Variants in RNF130 observed in about 807,000 individuals in gnomAD.
RNF130 encodes the protein E3 ubiquitin-protein ligase RNF130.
Under a neutral mutation model 44.6 loss-of-function variants are expected in RNF130, and 21 were observed. The observed-to-expected ratio is 0.47, with a 90% confidence interval of 0.33 to 0.68. RNF130 has a LOEUF of 0.68. RNF130 is among the 30% of genes least tolerant of loss of function. The probability of loss-of-function intolerance (pLI) is 0.02; values close to 1 mark genes in which losing one functional copy is unlikely to be tolerated. For synonymous variants in RNF130, 214 were observed against 210.4 expected (o/e 1.02, Z -0.15); for missense variants, 479 against 560.6 (o/e 0.85, Z 1.47).
chr5:179,915,083 C>CT (rs71001057), exon 8 of RNF130: 69,638 of 151,408 alleles, frequency 0.46, 16,683 homozygotes, highest in East Asian at 0.76. Context: ...AATTCCAGCA[C>CT]TTGGGAGGAC....
In RNF130 at chr5:180,010,915, G is replaced by A. The variant is rs114333209; in HGVS notation, c.693+2146C>T. 8.1e-3 allele frequency among the ~76,000 whole-genome samples: 1,235 copies of A among 152,154 alleles called. 18 individuals are homozygous for A. Among genetic ancestry groups the A allele is most frequent in the African/African-American group, 0.029 (1,192 of 41,492 alleles). On this transcript the variant is annotated intron_variant, in intron 3 of 8. Transcript: ENST00000521389. Reference sequence around the variant, plus strand: ...TAAGTACACATTAAACTGGAGAGGTGGGGAGATTTCAGTGTATTTAGGAAG... The same window carrying A: ...TAAGTACACATTAAACTGGAGAGGTAGGGAGATTTCAGTGTATTTAGGAAG...
chr5:180,059,630 A>G (rs1376051585), intron 1 of RNF130, among the ~76,000 whole-genome samples: 1 of 152,254 alleles, frequency 6.6e-6, no homozygotes, highest in African/African-American at 2.4e-5. Context: ...CATAGAAAAG[A>G]AATGTTGGAA....
chr5:179,941,359 T>G (rs1198073363), intron 7 of RNF130, among the ~76,000 whole-genome samples: 1 of 152,232 alleles, frequency 6.6e-6, no homozygotes, highest in East Asian at 1.9e-4. Context: ...TTAATCTAAT[T>G]AGAGATTGAA....
intron 7 of RNF130, among the ~76,000 whole-genome samples, chr5:179,926,808 G>A (rs1172713252): frequency 6.6e-6 from 1 of 152,234 alleles, no homozygotes; most frequent in East Asian, 1.9e-4. Flanking sequence ...ATTGGACGTG[G>A]AGACAGTCTT....
At chr5:180,049,777 GTTC>G (rs1473374665) in intron 1 of RNF130, among the ~76,000 whole-genome samples, 1 of 152,002 alleles carries the variant, frequency 6.6e-6, no homozygotes, top group Non-Finnish European at 1.5e-5. Context: ...ATTTTATTGT[GTTC>G]TTATTTATTC....
At chr5:180,015,304 A>G in intron 2 of RNF130, 1 of 529,960 alleles carries the variant, frequency 1.9e-6, no homozygotes, top group South Asian at 1.4e-5. Flanking sequence ...TCTGTGGTAT[A>G]AGATACCAGG....
intron 7 of RNF130, among the ~76,000 whole-genome samples, chr5:179,949,444 G>T (rs1306668546): frequency 6.6e-6 from 1 of 151,296 alleles, no homozygotes; most frequent in African/African-American, 2.4e-5. Flanking sequence ...TTTTTTTGTA[G>T]AGATGGGGTC....
intron 4 of RNF130, among the ~76,000 whole-genome samples, chr5:179,979,539 TC>T (rs1177920346): frequency 6.6e-6 from 1 of 152,118 alleles, no homozygotes; most frequent in African/African-American, 2.4e-5. Context: ...CCTTGAATAC[TC>T]TGAATGTAGG....
intron 1 of RNF130, among the ~76,000 whole-genome samples, chr5:180,060,372 C>A (rs908834323): frequency 6.6e-6 from 1 of 152,232 alleles, no homozygotes; most frequent in Admixed American, 6.5e-5. Flanking sequence ...CAATCAGGAA[C>A]AAAGTACATA....
intron 3 of RNF130, among the ~76,000 whole-genome samples, chr5:179,989,508 G>A (rs752049493): frequency 3.9e-5 from 6 of 152,040 alleles, no homozygotes; most frequent in Admixed American, 6.6e-5. Context: ...ATCTATTTAC[G>A]TTTTTTAATT....
intron 3 of RNF130, among the ~76,000 whole-genome samples, chr5:179,998,859 T>TATA (rs1554103680): frequency 0.012 from 1,064 of 88,688 alleles, 64 homozygotes; most frequent in African/African-American, 0.028. Flanking sequence ...CTAGTATTTT[T>TATA]TATATATATA....
intron 3 of RNF130, among the ~76,000 whole-genome samples, chr5:180,012,643 G>C (rs543150050): frequency 5.9e-5 from 9 of 152,174 alleles, no homozygotes; most frequent in Non-Finnish European, 1.3e-4. Flanking sequence ...TTTCTGAATA[G>C]ATAATACTTT....
chr5:179,912,532 C>T (rs1477184202), exon 8 of RNF130: 2 of 152,334 alleles, frequency 1.3e-5, no homozygotes, highest in East Asian at 3.9e-4. Flanking sequence ...GGAGACAGCA[C>T]CCTCTCTGCT....
exon 8 of RNF130, chr5:179,912,308 C>G (rs1761478148): frequency 6.6e-6 from 1 of 152,280 alleles, no homozygotes; most frequent in Non-Finnish European, 1.5e-5. Flanking sequence ...TGTACAGGAA[C>G]AGGATGCTTC....
chr5:180,061,025 T>C (rs1382715877), intron 1 of RNF130, among the ~76,000 whole-genome samples: 5 of 132,892 alleles, frequency 3.8e-5, no homozygotes, highest in Non-Finnish European at 7.6e-5. Flanking sequence ...GAGCCAAGAT[T>C]GTCCCACTGC....
rs371543771 is a variant in RNF130 at position 179,955,573 on chromosome 5, G to T, written c.*81C>A. On this transcript the variant is annotated 3_prime_UTR_variant, in exon 9 of 9. Coordinates refer to ENST00000521389, the MANE Select transcript of RNF130 (RefSeq NM_018434.6). Reference sequence around the variant, plus strand: ...TGTACTAAAAATAAATGCTTGTGTGGCATGATTGGTAAATGATGCACAAAA... The same window carrying T: ...TGTACTAAAAATAAATGCTTGTGTGTCATGATTGGTAAATGATGCACAAAA... 35 of 1,155,786 alleles carry T rather than the reference G, an allele frequency of 3.0e-5. No individual in the cohort carries two copies. The African/African-American group carries it at 4.8e-4, about 16-fold the overall frequency. The allele number at this position is 1,155,786 out of a possible 1,614,324, so 71.6% of individuals were successfully genotyped here.
chr5:180,038,401 A>G (rs563017189), intron 2 of RNF130, among the ~76,000 whole-genome samples: 1,718 of 123,200 alleles, frequency 0.014, 16 homozygotes, highest in Non-Finnish European at 0.023. Context: ...AAAAAAAAAA[A>G]GCCTGTTTTG....
At chr5:180,059,390 T>C (rs1764918187) in intron 1 of RNF130, among the ~76,000 whole-genome samples, 1 of 152,202 alleles carries the variant, frequency 6.6e-6, no homozygotes, top group African/African-American at 2.4e-5. Context: ...AACGGTCTGC[T>C]TTCCCCAGAT....
intron 7 of RNF130, among the ~76,000 whole-genome samples, chr5:179,926,790 C>T (rs1042199560): frequency 3.9e-5 from 6 of 152,212 alleles, no homozygotes; most frequent in Admixed American, 6.5e-5. Flanking sequence ...CTTGGGCTTG[C>T]GCTGGGCATT....
Sources: allele counts gnomAD v4.1 joint callset (sites outside exome capture counted in the v4.1 genomes callset), GRCh38; gene constraint gnomAD v4.1.1; transcripts MANE v1.5; gene names NCBI Gene and HGNC (gene_info 2026-07-23, HGNC 2026-07-21).